Variants in PXMP2 observed in about 807,000 individuals in gnomAD.
PXMP2 encodes the protein peroxisomal membrane protein 2, also known as 22 kDa peroxisomal membrane protein.
In PXMP2, 13 loss-of-function variants were observed where a neutral mutation model predicts 20.2. The ratio of observed to expected loss-of-function variants is 0.64; its 90% CI spans 0.42 to 1.02. PXMP2 has a LOEUF of 1.02. PXMP2 is among the 50% of genes least tolerant of loss of function. The pLI is 0.00. For missense variants in PXMP2, 284 were observed against 251.8 expected, an observed-to-expected ratio of 1.13 and a Z score of -0.87; for synonymous variants, 113 against 111.2, an observed-to-expected ratio of 1.02 and a Z score of -0.10.
chr12:132,691,393 C>T (rs972310245), intron 2 of PXMP2, among the ~76,000 whole-genome samples: 3 of 152,120 alleles, frequency 2.0e-5, no homozygotes, highest in East Asian at 1.9e-4. Context: ...ATAAATGCTT[C>T]GGTACCCTGA....
chr12:132,687,920 G>A (rs1210714848), intron 1 of PXMP2, 128 bp downstream of exon 1: 8 of 935,138 alleles, frequency 8.6e-6, no homozygotes, highest in South Asian at 1.0e-4. Flanking sequence ...CCCGGAGCGG[G>A]CGCCCTCCGA....
Position 132,694,073 on chromosome 12 carries a change from TTAGA to T in PXMP2, c.237-1807_237-1804del, listed in dbSNP as rs1476033646. On this transcript the variant is annotated intron_variant, in intron 2 of 4. Coordinates refer to ENST00000317479, the MANE Select transcript of PXMP2 (RefSeq NM_018663.3). The stretch of plus-strand genomic sequence containing the variant: ...TAGTTAAGTGAGCGCCCTTAGCCAG[TTAGA>T]TAGTGAGCGCCCTTAGCCAGTTAGT... Among the ~76,000 whole-genome samples, 23 of 131,524 alleles carry T rather than the reference TTAGA, an allele frequency of 1.7e-4. 1 individual carries two copies. The highest frequency in any genetic ancestry group is 2.7e-4 in the African/African-American group (9 of 33,420). The allele number at this position is 131,524 out of a possible 152,430, so 86.3% of individuals were successfully genotyped here. A position where few individuals can be genotyped will look rare whatever the true frequency, so the allele number is the denominator to read the frequency against.
chr12:132,698,827 G>C (rs141020685), intron 3 of PXMP2, among the ~76,000 whole-genome samples: 35 of 152,156 alleles, frequency 2.3e-4, no homozygotes, highest in African/African-American at 8.0e-4. Flanking sequence ...GGGTTCCTCT[G>C]TGTTGGCCAG....
intron 2 of PXMP2, 113 bp downstream of exon 2, chr12:132,690,489 C>T: frequency 1.3e-6 from 1 of 785,072 alleles, no homozygotes; most frequent in East Asian, 2.7e-5. Context: ...TTTTTAAAAA[C>T]CATTGTAGTA....
chr12:132,695,875 G>T lies in PXMP2; in HGVS notation c.237-9G>T. On this transcript the variant is annotated splice_polypyrimidine_tract_variant and intron_variant, in intron 2 of 4. Coordinates refer to ENST00000317479, the MANE Select transcript of PXMP2 (RefSeq NM_018663.3). ...CCACAATCTGGCTCACACCCCCTGG[G>T]GGCCTCAGGTTCTTCTTCACAGGGC... The T allele has an allele frequency of 6.3e-7, 1 of 1,599,752 alleles. No homozygotes were observed.
intron 4 of PXMP2, 68 bp from the exon 5 acceptor site, chr12:132,704,551 G>A: frequency 1.6e-6 from 2 of 1,240,342 alleles, no homozygotes; most frequent in East Asian, 2.8e-5. Context: ...TGAACTGGGT[G>A]ACTGAGGCTG....
chr12:132,704,514 C>A, intron 4 of PXMP2, 105 bp from the exon 5 acceptor site: 1 of 880,044 alleles, frequency 1.1e-6, no homozygotes, highest in Non-Finnish European at 1.6e-6. Flanking sequence ...GTGGTTGGAC[C>A]AGCTGACCAA....
chr12:132,701,672 G>A (rs528842505), intron 4 of PXMP2: 1 of 370,218 alleles, frequency 2.7e-6, no homozygotes, highest in Admixed American at 4.7e-5. Flanking sequence ...CCCCATGCCA[G>A]GGATGCCTAT....
At chr12:132,702,520 G>C (rs2043448698) in intron 4 of PXMP2, 1 of 385,102 alleles carries the variant, frequency 2.6e-6, no homozygotes, top group South Asian at 1.8e-5. Context: ...ACAGGAGGAG[G>C]CCTGGCAGAG....
chr12:132,687,784 G>T lies in PXMP2; in HGVS notation c.114G>T (p.Ala38=). 1.7e-6 allele frequency: 2 copies of T among 1,166,370 alleles called. No individual in the cohort carries two copies. The highest frequency in any genetic ancestry group is 2.1e-6 in the Non-Finnish European group (2 of 946,602). The allele number at this position is 1,166,370 out of a possible 1,614,324, so 72.3% of individuals were successfully genotyped here. ...GGCTCTACCCGGTGCTCACCAAGGC[G>T]GCCACCAGGTGAGCGGGGGCGCGGG... is the stretch of plus-strand genomic sequence containing the variant. ...FLRLYPVLTK[A]ATSGILSALG... Residue 38 remains alanine (A), a synonymous_variant, in exon 1 of 5, where the codon GCG becomes GCT. Transcript: ENST00000317479.
At chr12:132,693,930 T>C (rs1444947124) in intron 2 of PXMP2, among the ~76,000 whole-genome samples, 1 of 88,720 alleles carries the variant, frequency 1.1e-5, no homozygotes, top group Non-Finnish European at 2.5e-5. Flanking sequence ...CCTTGCCAGT[T>C]AGTTAGTGAG....
intron 2 of PXMP2, 110 bp downstream of exon 2, chr12:132,690,486 A>G (rs2043360028): frequency 4.9e-6 from 4 of 824,606 alleles, no homozygotes; most frequent in African/African-American, 1.7e-5. Context: ...AATTTTTTAA[A>G]AACCATTGTA....
intron 1 of PXMP2, chr12:132,688,250 A>C (rs1201375212): frequency 3.6e-5 from 8 of 224,244 alleles, no homozygotes; most frequent in African/African-American, 1.9e-4. Context: ...GCGGGTGAAG[A>C]CAGGGCGAGG....
Position 132,687,644 on chromosome 12 carries a change from C to T in PXMP2, c.-27C>T, listed in dbSNP as rs565693400. ...GGCCAGCCTGAGGTGGGGTCGGTGC[C>T]CCCGGCGGCACGGCGCTGGGGAGGC... On this transcript the variant is annotated 5_prime_UTR_variant, in exon 1 of 5. Transcript: ENST00000317479. The T allele has an allele frequency of 1.3e-5, 15 of 1,155,216 alleles. No homozygotes were observed. The East Asian group carries it at 2.9e-4, about 22-fold the overall frequency. 71.6% of individuals were successfully genotyped at this position (1,155,216 alleles called of 1,614,324 possible).
At chr12:132,704,263 C>G (rs938653156) in intron 4 of PXMP2, among the ~76,000 whole-genome samples, 1 of 152,030 alleles carries the variant, frequency 6.6e-6, no homozygotes, top group African/African-American at 2.4e-5. Context: ...CAGCTGTGTC[C>G]CCTGAGGAGG....
Position 132,692,540 on chromosome 12 carries a change from G to A in PXMP2, c.236+2164G>A, listed in dbSNP as rs61952124. 4.4e-3 allele frequency among the ~76,000 whole-genome samples: 251 copies of A among 57,044 alleles called. 3 individuals carry two copies. Among genetic ancestry groups the A allele is most frequent in the African/African-American group, 9.0e-3 (150 of 16,750 alleles). 37.4% of individuals were successfully genotyped at this position (57,044 alleles called of 152,430 possible). ...CTCCCTTGCCAGTTAGTTAGTGAGCGCCCTTGCCAGTTAGTTAGTGAGCAC... is the reference window on the plus strand; with the variant it reads ...CTCCCTTGCCAGTTAGTTAGTGAGCACCCTTGCCAGTTAGTTAGTGAGCAC... On this transcript the variant is annotated intron_variant, in intron 2 of 4. Coordinates refer to ENST00000317479, the MANE Select transcript of PXMP2 (RefSeq NM_018663.3).
intron 3 of PXMP2, among the ~76,000 whole-genome samples, chr12:132,698,818 G>C (rs2043423682): frequency 6.6e-6 from 1 of 152,042 alleles, no homozygotes; most frequent in African/African-American, 2.4e-5. Flanking sequence ...GTAGCAATGG[G>C]GTTCCTCTGT....
chr12:132,687,857 T>A, intron 1 of PXMP2, 65 bp downstream of exon 1: 2 of 1,101,016 alleles, frequency 1.8e-6, no homozygotes, highest in Non-Finnish European at 1.1e-6. Flanking sequence ...GCGCGGGGCC[T>A]GGACGGGAGC....
intron 3 of PXMP2, among the ~76,000 whole-genome samples, chr12:132,698,630 A>T (rs2043422818): frequency 6.6e-6 from 1 of 151,730 alleles, no homozygotes; most frequent in East Asian, 1.9e-4. Flanking sequence ...CTTTTGCTGG[A>T]TTATTTTCTT....
Sources: allele counts gnomAD v4.1 joint callset (sites outside exome capture counted in the v4.1 genomes callset), GRCh38; gene constraint gnomAD v4.1.1; transcripts MANE v1.5; gene names NCBI Gene and HGNC (gene_info 2026-07-23, HGNC 2026-07-21).